The following ADAM18 variants were observed in gnomAD, a reference collection of about 807,000 sequenced individuals.
ADAM18 encodes the protein disintegrin and metalloproteinase domain-containing protein 18.
In ADAM18, 117 loss-of-function variants were observed where a neutral mutation model predicts 94.4. That is an observed-to-expected ratio of 1.24 (90% CI 1.07 to 1.45). The LOEUF (loss-of-function observed/expected upper bound fraction) is 1.45, where lower values mean the gene tolerates loss of function less well. ADAM18 is among the 40% of genes most tolerant of loss of function. The pLI is 0.00. For missense variants in ADAM18, 936 were observed against 880.0 expected (o/e 1.06, Z -0.81); for synonymous variants, 327 against 291.6 (o/e 1.12, Z -1.24).
rs1822256568 is a variant in ADAM18, at chr8:39,706,867, A to G, written c.1980A>G (p.Pro660=). 2 of 1,609,790 alleles carry G rather than the reference A, an allele frequency of 1.2e-6. No individual in the cohort carries two copies. The highest frequency in any genetic ancestry group is 1.7e-6 in the Non-Finnish European group (2 of 1,177,014). ...ATTGTAAATTCCAGTTTGGTTCCCC[A>G]GGGGGTAGTATTGATGATGGAAATT... ...PPDCKFQFGS[P]GGSIDDGNFQ... Residue 660 remains proline (P), a synonymous_variant, in exon 18 of 20, where the codon CCA becomes CCG. Coordinates refer to ENST00000265707, the MANE Select transcript of ADAM18 (RefSeq NM_014237.3).
intron 6 of ADAM18, among the ~76,000 whole-genome samples, chr8:39,627,001 C>T (rs1246257014): frequency 2.0e-5 from 3 of 152,072 alleles, no homozygotes; most frequent in Non-Finnish European, 4.4e-5. Context: ...GCGTTGAAGT[C>T]ATCCACTATT....
intron 12 of ADAM18, among the ~76,000 whole-genome samples, chr8:39,661,154 CTTTTTTTTTT>C (rs34697066): frequency 8.6e-6 from 1 of 116,790 alleles, no homozygotes; most frequent in Non-Finnish European, 1.7e-5. Context: ...TCTTCTTCTT[CTTTTTTTTTT>C]TTTTTTTTGA....
At chr8:39,611,948 T>C (rs536767764) in intron 6 of ADAM18, among the ~76,000 whole-genome samples, 3 of 151,690 alleles carry the variant, frequency 2.0e-5, no homozygotes, top group Admixed American at 1.3e-4. Context: ...ACATACTTGA[T>C]AGAGAAAAAA....
chr8:39,588,633 AC>A (rs869204629), intron 2 of ADAM18, among the ~76,000 whole-genome samples: 1 of 141,518 alleles, frequency 7.1e-6, no homozygotes, highest in Middle Eastern at 3.5e-3. Context: ...TTGGTTCAAC[AC>A]TGGGAAACAA....
At chr8:39,688,717 A>G (rs1821683740) in intron 16 of ADAM18, among the ~76,000 whole-genome samples, 1 of 152,318 alleles carries the variant, frequency 6.6e-6, no homozygotes, top group East Asian at 1.9e-4. Flanking sequence ...TACTAGACTG[A>G]TCTATATTCC....
At chr8:39,616,098 G>T (rs1376997582) in intron 6 of ADAM18, among the ~76,000 whole-genome samples, 1 of 152,098 alleles carries the variant, frequency 6.6e-6, no homozygotes, top group East Asian at 1.9e-4. Flanking sequence ...TGGTTAGGAA[G>T]GAAGGATCAA....
chr8:39,709,410 A>G (rs1433658100), intron 18 of ADAM18, among the ~76,000 whole-genome samples: 1 of 152,152 alleles, frequency 6.6e-6, no homozygotes, highest in Non-Finnish European at 1.5e-5. Flanking sequence ...TGGGGGTGGA[A>G]TAGGACCATG....
At chr8:39,670,169 T>C (rs1315439753) in intron 14 of ADAM18, among the ~76,000 whole-genome samples, 2 of 152,230 alleles carry the variant, frequency 1.3e-5, no homozygotes, top group East Asian at 3.8e-4. Flanking sequence ...GTTGTTTGTT[T>C]TTTTCTTGTA....
chr8:39,671,329 A>T (rs2129580304), intron 14 of ADAM18, among the ~76,000 whole-genome samples: 1 of 152,322 alleles, frequency 6.6e-6, no homozygotes. Context: ...TGGGGCAAAT[A>T]GTAACTTTAA....
In ADAM18 at chr8:39,708,029, C is replaced by A. The variant is rs192670806; in HGVS notation, c.2017+1125C>A. On this transcript the variant is annotated intron_variant, in intron 18 of 19. Transcript: ENST00000265707. ...GTGACTAATGGACAGGTAGCATATA[C>A]GGCATGTATTCGTTGGACTTGGGAA... is the stretch of plus-strand genomic sequence containing the variant. 7.9e-4 allele frequency among the ~76,000 whole-genome samples: 121 copies of A among 152,242 alleles called. 1 individual carries two copies. Among genetic ancestry groups the A allele is most frequent in the Non-Finnish European group, 8.8e-5 (6 of 68,026 alleles).
chr8:39,602,602 A>G (rs983423163), intron 2 of ADAM18, among the ~76,000 whole-genome samples: 1 of 152,166 alleles, frequency 6.6e-6, no homozygotes, highest in Non-Finnish European at 1.5e-5. Flanking sequence ...GTTATTTTCC[A>G]TCTGTATATC....
At chr8:39,610,346 C>T (rs919480438) in intron 5 of ADAM18, among the ~76,000 whole-genome samples, 183 bp from the exon 6 acceptor site, 14 of 152,068 alleles carry the variant, frequency 9.2e-5, no homozygotes, top group African/African-American at 2.9e-4. Context: ...AAAACGAAGC[C>T]AGATATGGTG....
intron 18 of ADAM18, among the ~76,000 whole-genome samples, chr8:39,717,071 A>G (rs868492958): frequency 6.6e-6 from 1 of 151,542 alleles, no homozygotes; most frequent in Non-Finnish European, 1.5e-5. Context: ...TCTTGTATTT[A>G]TTTGCTTTGA....
At chr8:39,638,327 A>C (rs1820141864) in intron 9 of ADAM18, 138 bp from the exon 10 acceptor site, 1 of 487,224 alleles carries the variant, frequency 2.1e-6, no homozygotes, top group Non-Finnish European at 3.7e-6. Context: ...TGTAATGTTT[A>C]TTAGATATTA....
chr8:39,589,553 C>T (rs4584120), intron 2 of ADAM18, among the ~76,000 whole-genome samples: 88,327 of 151,594 alleles, frequency 0.58, 27,322 homozygotes, highest in Non-Finnish European at 0.7. Context: ...GTATGTATAT[C>T]TTCCTTGACA....
intron 18 of ADAM18, among the ~76,000 whole-genome samples, chr8:39,715,178 T>A (rs1822536106): frequency 6.6e-6 from 1 of 152,116 alleles, no homozygotes; most frequent in Middle Eastern, 3.4e-3. Context: ...AAAAGAGAAC[T>A]GTAAAGCCCT....
intron 10 of ADAM18, among the ~76,000 whole-genome samples, chr8:39,642,569 C>T (rs937795038): frequency 6.6e-6 from 1 of 151,586 alleles, no homozygotes; most frequent in African/African-American, 2.4e-5. Context: ...AGTTGTAGGC[C>T]TGTGGTATTA....
chr8:39,672,536 C>A (rs1491003458), intron 14 of ADAM18, among the ~76,000 whole-genome samples: 1 of 152,136 alleles, frequency 6.6e-6, no homozygotes, highest in Non-Finnish European at 1.5e-5. Flanking sequence ...CAATTTGTTT[C>A]ATTAAAGGAA....
intron 16 of ADAM18, among the ~76,000 whole-genome samples, chr8:39,684,579 C>T (rs1821557357): frequency 6.6e-6 from 1 of 152,132 alleles, no homozygotes; most frequent in South Asian, 2.1e-4. Flanking sequence ...TAGAGTTTCA[C>T]ACCAGTGACT....
Sources: gnomAD v4.1 joint callset for allele counts (sites outside exome capture counted in the v4.1 genomes callset) on GRCh38, gnomAD v4.1.1 for gene constraint, MANE v1.5 for transcripts, NCBI Gene and HGNC (gene_info 2026-07-23, HGNC 2026-07-21) for gene names.